The following AGBL1 variants were observed in gnomAD, a reference collection of about 807,000 sequenced individuals.
AGBL1 encodes AGBL carboxypeptidase 1.
AGBL1 carries 130 observed loss-of-function variants against 118.9 expected under a neutral mutation model. That is an observed-to-expected ratio of 1.09 (90% CI 0.95 to 1.26). The LOEUF is 1.26. Ranked by LOEUF, AGBL1 falls within the 50% of genes most tolerant of loss-of-function variation. The pLI, the probability that AGBL1 is intolerant of heterozygous loss-of-function variation, is 0.00. For missense variants in AGBL1, 1,584 were observed against 1,298.1 expected, an observed-to-expected ratio of 1.22 and a Z score of -3.38; for synonymous variants, 555 against 478.9, an observed-to-expected ratio of 1.16 and a Z score of -2.08.
chr15:86,207,303 G>C (rs374507084), intron 5 of AGBL1, among the ~76,000 whole-genome samples: 4 of 152,064 alleles, frequency 2.6e-5, no homozygotes, highest in African/African-American at 9.7e-5. Context: ...GCTCTTTTTC[G>C]GTTCCATATG....
intron 5 of AGBL1, among the ~76,000 whole-genome samples, chr15:86,166,496 G>A (rs1455407579): frequency 6.6e-6 from 1 of 152,182 alleles, no homozygotes; most frequent in Non-Finnish European, 1.5e-5. Context: ...AGTCTTCCTT[G>A]AAATGTCTCA....
At chr15:86,301,244 C>T (rs1208872043) in intron 17 of AGBL1, among the ~76,000 whole-genome samples, 1 of 152,034 alleles carries the variant, frequency 6.6e-6, no homozygotes, top group Admixed American at 6.6e-5. Flanking sequence ...AATTTTAGAG[C>T]TTAACAATCC....
At chr15:86,136,678 T>A (rs747299062) in intron 1 of AGBL1, among the ~76,000 whole-genome samples, 24 of 152,282 alleles carry the variant, frequency 1.6e-4, no homozygotes, top group Non-Finnish European at 2.8e-4. Context: ...TGGTTCTGTA[T>A]CATTGGCATG....
At chr15:86,220,875 C>G (rs1165141830) in intron 5 of AGBL1, among the ~76,000 whole-genome samples, 6 of 152,126 alleles carry the variant, frequency 3.9e-5, no homozygotes, top group Non-Finnish European at 7.4e-5. Context: ...AGTTTACACT[C>G]TAAGAAAACA....
chr15:86,675,324 A>G (rs1315578180), intron 22 of AGBL1, among the ~76,000 whole-genome samples: 1 of 152,036 alleles, frequency 6.6e-6, no homozygotes, highest in Non-Finnish European at 1.5e-5. Flanking sequence ...ATTTTCTTGA[A>G]TTTTCCTCCT....
chr15:86,715,164 T>A (rs1374051862), intron 22 of AGBL1, among the ~76,000 whole-genome samples: 5 of 152,194 alleles, frequency 3.3e-5, no homozygotes, highest in Admixed American at 3.3e-4. Flanking sequence ...AGCTGAATGC[T>A]GAGAATGGAG....
At chr15:86,084,281 T>C (rs1895486771) in intron 1 of AGBL1, among the ~76,000 whole-genome samples, 2 of 152,190 alleles carry the variant, frequency 1.3e-5, no homozygotes, top group Admixed American at 1.3e-4. Context: ...TTTTGTTTTT[T>C]AAGACCTCAT....
At chr15:86,735,845 G>A (rs2077588337) in intron 22 of AGBL1, among the ~76,000 whole-genome samples, 1 of 152,068 alleles carries the variant, frequency 6.6e-6, no homozygotes, top group African/African-American at 2.4e-5. Context: ...ACAGTAGCAG[G>A]GGTGCCGTAC....
chr15:86,860,782 A>G (rs116073332), intron 22 of AGBL1, among the ~76,000 whole-genome samples: 44 of 151,810 alleles, frequency 2.9e-4, no homozygotes, highest in African/African-American at 9.7e-4. Flanking sequence ...ACATGTTTCT[A>G]TGTTTCTGAA....
At chr15:86,565,778 C>T (rs1166418347) in intron 21 of AGBL1, among the ~76,000 whole-genome samples, 1 of 152,228 alleles carries the variant, frequency 6.6e-6, no homozygotes, top group Non-Finnish European at 1.5e-5. Context: ...TTGGGCTCCA[C>T]CCAGTTTGAG....
intron 18 of AGBL1, among the ~76,000 whole-genome samples, chr15:86,420,030 G>T (rs2081764647): frequency 6.6e-6 from 1 of 152,160 alleles, no homozygotes; most frequent in Non-Finnish European, 1.5e-5. Flanking sequence ...GGTGGCTGTG[G>T]GCACAGCTTC....
At chr15:86,270,883 AC>A (rs1338580165) in intron 14 of AGBL1, among the ~76,000 whole-genome samples, 6 of 151,960 alleles carry the variant, frequency 3.9e-5, no homozygotes, top group African/African-American at 1.5e-4. Flanking sequence ...TGTTGGGAGA[AC>A]CATGTTTCCT....
At chr15:86,666,675 A>T (rs2085650583) in intron 21 of AGBL1, among the ~76,000 whole-genome samples, 1 of 152,200 alleles carries the variant, frequency 6.6e-6, no homozygotes, top group Non-Finnish European at 1.5e-5. Context: ...GCTGTTATTG[A>T]TAATAATAAG....
intron 21 of AGBL1, among the ~76,000 whole-genome samples, chr15:86,651,291 C>T (rs928513972): frequency 6.6e-6 from 1 of 152,038 alleles, no homozygotes. Flanking sequence ...ATAGAGGCCT[C>T]CAAGGGTCTT....
chr15:86,494,459 C>G (rs2082822134), intron 18 of AGBL1, among the ~76,000 whole-genome samples: 1 of 152,008 alleles, frequency 6.6e-6, no homozygotes, highest in Non-Finnish European at 1.5e-5. Context: ...TTTCCCCTCA[C>G]TGGCTCTTCC....
Position 86,354,327 on chromosome 15 carries a change from T to C in AGBL1, c.2375-43039T>C, listed in dbSNP as rs185674199. Reference sequence around the variant, plus strand: ...AGGCATTCGATGGTTCATGGTAGGATTGTTGAGAGTAGATGAAAATCAAAG... The same window carrying C: ...AGGCATTCGATGGTTCATGGTAGGACTGTTGAGAGTAGATGAAAATCAAAG... On this transcript the variant is annotated intron_variant, in intron 17 of 22. Transcript: ENST00000614907. 2.6e-5 allele frequency among the ~76,000 whole-genome samples: 4 copies of C among 152,298 alleles called. No homozygotes were observed. The East Asian group carries it at 7.7e-4, about 29-fold the overall frequency.
intron 17 of AGBL1, among the ~76,000 whole-genome samples, chr15:86,338,744 C>G (rs533070543): frequency 1.5e-4 from 23 of 152,234 alleles, no homozygotes; most frequent in African/African-American, 5.3e-4. Context: ...AAACTGGAAC[C>G]AGGAAAACCG....
chr15:86,843,318 G>C (rs561083735), intron 22 of AGBL1, among the ~76,000 whole-genome samples: 2 of 152,134 alleles, frequency 1.3e-5, no homozygotes, highest in South Asian at 4.1e-4. Flanking sequence ...GTTTCATGCA[G>C]GCAACACTGA....
At chr15:86,269,668 T>G (rs1337098834) in intron 13 of AGBL1, among the ~76,000 whole-genome samples, 3 of 152,182 alleles carry the variant, frequency 2.0e-5, no homozygotes, top group Admixed American at 2.0e-4. Context: ...CATAATAGTT[T>G]AAAAAAATTT....
Sources: gnomAD v4.1 joint callset for allele counts (sites outside exome capture counted in the v4.1 genomes callset) on GRCh38, gnomAD v4.1.1 for gene constraint, MANE v1.5 for transcripts, NCBI Gene and HGNC (gene_info 2026-07-23, HGNC 2026-07-21) for gene names.